IQGAP2: variants seen among roughly 807,000 people sequenced by gnomAD.
The protein encoded by IQGAP2 is IQ motif containing GTPase activating protein 2, also known as ras GTPase-activating-like protein IQGAP2.
IQGAP2 carries 173 observed loss-of-function variants against 201.3 expected under a neutral mutation model. The ratio of observed to expected loss-of-function variants is 0.86; its 90% CI spans 0.76 to 0.98. The LOEUF (loss-of-function observed/expected upper bound fraction) is 0.98, where lower values mean the gene tolerates loss of function less well. Among genes scored for constraint, IQGAP2 ranks in the 50% least tolerant of loss-of-function variants. The pLI is 0.00. For synonymous variants in IQGAP2, 675 were observed against 673.9 expected, an observed-to-expected ratio of 1.00 and a Z score of -0.03; for missense variants, 1,687 against 1,864.8, an observed-to-expected ratio of 0.90 and a Z score of 1.76.
chr5:76,669,441 C>T (rs1402699915), intron 23 of IQGAP2, among the ~76,000 whole-genome samples: 1 of 152,018 alleles, frequency 6.6e-6, no homozygotes, highest in African/African-American at 2.4e-5. Context: ...ACATGTGATT[C>T]GTGAGAAATA....
intron 28 of IQGAP2, among the ~76,000 whole-genome samples, chr5:76,680,268 A>C (rs1745162870): frequency 6.6e-6 from 1 of 152,226 alleles, no homozygotes; most frequent in Admixed American, 6.5e-5. Flanking sequence ...TACTGGGACA[A>C]CTGGAAATTC....
rs1429907934 is a variant in IQGAP2, at chr5:76,452,309, G to A, written c.47-9261G>A. On this transcript the variant is annotated intron_variant, in intron 1 of 35. Coordinates refer to ENST00000274364, the MANE Select transcript of IQGAP2 (RefSeq NM_006633.5). Reference sequence around the variant, plus strand: ...CACAACGTGCAGGTTTGTTACATATGTATACATGTGCCATGTTGGTGTGCT... The same window carrying A: ...CACAACGTGCAGGTTTGTTACATATATATACATGTGCCATGTTGGTGTGCT... 2.0e-5 allele frequency among the ~76,000 whole-genome samples: 3 copies of A among 149,626 alleles called. No homozygotes were observed. In the Admixed American group the frequency reaches 2.0e-4, roughly 10 times the overall value.
intron 1 of IQGAP2, among the ~76,000 whole-genome samples, chr5:76,452,545 T>C (rs778341824): frequency 2.3e-4 from 35 of 152,218 alleles, no homozygotes; most frequent in Non-Finnish European, 2.6e-4. Flanking sequence ...AAAAAGCCTA[T>C]AATTTTACTT....
intron 15 of IQGAP2, among the ~76,000 whole-genome samples, chr5:76,635,553 T>C (rs1580682577): frequency 6.6e-6 from 1 of 151,912 alleles, no homozygotes; most frequent in South Asian, 2.1e-4. Flanking sequence ...ATTGAAAATA[T>C]CATAATTGGC....
chr5:76,530,958 A>C (rs369414482), intron 2 of IQGAP2, among the ~76,000 whole-genome samples: 1 of 152,254 alleles, frequency 6.6e-6, no homozygotes, highest in Non-Finnish European at 1.5e-5. Flanking sequence ...TTGTGTGCTA[A>C]TGATTAGAAC....
intron 27 of IQGAP2, among the ~76,000 whole-genome samples, chr5:76,676,577 C>T (rs534112895): frequency 6.6e-6 from 1 of 152,224 alleles, no homozygotes; most frequent in East Asian, 1.9e-4. Context: ...TCACAGCATG[C>T]CTCACTTCTC....
intron 2 of IQGAP2, among the ~76,000 whole-genome samples, chr5:76,483,419 A>C (rs1489855489): frequency 6.6e-6 from 1 of 152,230 alleles, no homozygotes; most frequent in Non-Finnish European, 1.5e-5. Context: ...ACTTGGAGCA[A>C]TATTGGCCCA....
intron 3 of IQGAP2, 103 bp downstream of exon 3, chr5:76,562,655 G>A: frequency 1.9e-6 from 2 of 1,067,994 alleles, no homozygotes; most frequent in Non-Finnish European, 1.4e-6. Context: ...AAGGATTTGG[G>A]GGGCTGGGGG....
chr5:76,612,241 G>C (rs1387610665), intron 13 of IQGAP2, among the ~76,000 whole-genome samples: 1 of 152,118 alleles, frequency 6.6e-6, no homozygotes, highest in Non-Finnish European at 1.5e-5. Flanking sequence ...CCAGCATTTC[G>C]GGAGGCCAAG....
chr5:76,612,560 C>A (rs1402351873), intron 13 of IQGAP2, among the ~76,000 whole-genome samples: 1 of 152,082 alleles, frequency 6.6e-6, no homozygotes, highest in African/African-American at 2.4e-5. Flanking sequence ...AGTCCTGAGA[C>A]TACATGCAGC....
At chr5:76,547,119 ATTAC>A (rs1297723381) in intron 2 of IQGAP2, among the ~76,000 whole-genome samples, 1 of 152,148 alleles carries the variant, frequency 6.6e-6, no homozygotes, top group East Asian at 1.9e-4. Context: ...TCACTGTGCT[ATTAC>A]TTCACACTAC....
intron 2 of IQGAP2, among the ~76,000 whole-genome samples, chr5:76,546,317 T>C (rs1015349321): frequency 2.6e-5 from 4 of 152,090 alleles, no homozygotes; most frequent in Non-Finnish European, 5.9e-5. Context: ...GTGCCTGTAA[T>C]CTCAGCTATT....
intron 13 of IQGAP2, among the ~76,000 whole-genome samples, chr5:76,621,677 G>T (rs1353366760): frequency 1.3e-5 from 2 of 152,182 alleles, no homozygotes; most frequent in African/African-American, 4.8e-5. Flanking sequence ...TGGAAAAGTT[G>T]ATTTGATTCC....
chr5:76,590,870 T>G (rs1313009460), intron 8 of IQGAP2, among the ~76,000 whole-genome samples: 1 of 152,142 alleles, frequency 6.6e-6, no homozygotes, highest in African/African-American at 2.4e-5. Flanking sequence ...GAGGGTCCTT[T>G]GAGTCCAGGA....
intron 17 of IQGAP2, among the ~76,000 whole-genome samples, chr5:76,645,907 A>C (rs566038975): frequency 2.6e-5 from 4 of 152,074 alleles, no homozygotes; most frequent in African/African-American, 4.8e-5. Flanking sequence ...ATCTGTTACT[A>C]TGACAGGTCA....
At chr5:76,517,623 AG>A (rs1442173594) in intron 2 of IQGAP2, among the ~76,000 whole-genome samples, 1 of 149,568 alleles carries the variant, frequency 6.7e-6, no homozygotes, top group Non-Finnish European at 1.5e-5. Context: ...AAAAAAAAAA[AG>A]TAAGTATATA....
At chr5:76,697,554 G>C (rs961590005) in intron 32 of IQGAP2, among the ~76,000 whole-genome samples, 6 of 152,148 alleles carry the variant, frequency 3.9e-5, no homozygotes, top group Non-Finnish European at 7.3e-5. Context: ...TGAGGCAGGA[G>C]AATCGCTTGA....
chr5:76,666,788 G>A (rs1030161124), intron 22 of IQGAP2, among the ~76,000 whole-genome samples: 4 of 152,118 alleles, frequency 2.6e-5, no homozygotes, highest in African/African-American at 9.7e-5. Flanking sequence ...CTCCCACCCA[G>A]GCAGGAGTGC....
intron 6 of IQGAP2, 80 bp downstream of exon 6, chr5:76,589,053 C>T: frequency 4.4e-6 from 4 of 914,162 alleles, no homozygotes; most frequent in East Asian, 2.8e-5. Context: ...GTGGCTCATG[C>T]CTGTAATCCC....
Sources: gnomAD v4.1 joint callset for allele counts (sites outside exome capture counted in the v4.1 genomes callset) on GRCh38, gnomAD v4.1.1 for gene constraint, MANE v1.5 for transcripts, NCBI Gene and HGNC (gene_info 2026-07-23, HGNC 2026-07-21) for gene names.